HPCAL1: variants seen among roughly 807,000 people sequenced by gnomAD.
HPCAL1 encodes the protein hippocalcin-like protein 1.
A neutral mutation model predicts 17.1 loss-of-function variants in HPCAL1; 8 were observed. That is an observed-to-expected ratio of 0.47 (90% CI 0.27 to 0.84). HPCAL1 has a LOEUF of 0.84. HPCAL1 is among the 40% of genes least tolerant of loss of function. HPCAL1 has a pLI of 0.13. For synonymous variants in HPCAL1, 112 were observed against 111.4 expected, an observed-to-expected ratio of 1.01 and a Z score of -0.03; for missense variants, 165 against 271.1, an observed-to-expected ratio of 0.61 and a Z score of 2.75.
At position 10,419,426 on chromosome 2, in the gene HPCAL1, C is replaced by A. The variant is rs1201047976; in HGVS notation, c.-24-308C>A. 1.3e-5 allele frequency among the ~76,000 whole-genome samples: 2 copies of A among 152,182 alleles called. No homozygotes were observed. Among genetic ancestry groups the A allele is most frequent in the East Asian group, 3.9e-4 (2 of 5,188 alleles). On this transcript the variant is annotated intron_variant, in intron 2 of 4. Coordinates refer to ENST00000307845, the MANE Select transcript of HPCAL1 (RefSeq NM_002149.4). This position sits in a 1 kb window ranked among gnomAD's most constrained non-coding sequence, Gnocchi z 5.0. ...CTGATTTTAATCTTCGCCTCTCGTA[C>A]AACCCCTGGTGGGCACCGGATGATG...
chr2:10,331,682 A>T lies in HPCAL1; in HGVS notation c.-111+28505A>T, dbSNP rs1198231771. ...CACTGCACGCCCGGCTGTCAGAGGCATCTGTCTCTTCCCCCGCATGCATCT... is the reference window on the plus strand; with the variant it reads ...CACTGCACGCCCGGCTGTCAGAGGCTTCTGTCTCTTCCCCCGCATGCATCT... On this transcript the variant is annotated intron_variant, in intron 1 of 4. Transcript: ENST00000307845. This position sits in a 1 kb window ranked among gnomAD's most constrained non-coding sequence, Gnocchi z 5.0. Among the ~76,000 whole-genome samples, 1 of 152,138 alleles carries T rather than the reference A, an allele frequency of 6.6e-6. No individual in the cohort carries two copies. Among genetic ancestry groups the T allele is most frequent in the African/African-American group, 2.4e-5 (1 of 41,422 alleles).
chr2:10,415,474 A>G (rs2148014295), intron 2 of HPCAL1, among the ~76,000 whole-genome samples: 1 of 152,168 alleles, frequency 6.6e-6, no homozygotes, highest in African/African-American at 2.4e-5. Flanking sequence ...TGGGGCAGCC[A>G]TCCACAGATC....
chr2:10,312,264 TCACCAC>T (rs201847831), intron 1 of HPCAL1, among the ~76,000 whole-genome samples: 2 of 146,970 alleles, frequency 1.4e-5, no homozygotes, highest in African/African-American at 2.5e-5. Context: ...ACCATCACCA[TCACCAC>T]CATTATCACT....
At chr2:10,400,663 C>T (rs1558520046) in intron 2 of HPCAL1, among the ~76,000 whole-genome samples, 1 of 152,216 alleles carries the variant, frequency 6.6e-6, no homozygotes, top group Non-Finnish European at 1.5e-5. Flanking sequence ...GGCAGTATCA[C>T]TTCCTGTGGT....
Position 10,427,143 on chromosome 2 carries a change from C to A in HPCAL1, c.*322C>A. ...CCATGCCGAGGAGACCAGGCAGGAC[C>A]TCCCGAGGCTGCGCCCCGGCCGGCC... On this transcript the variant is annotated 3_prime_UTR_variant, in exon 5 of 5. Coordinates refer to ENST00000307845, the MANE Select transcript of HPCAL1 (RefSeq NM_002149.4). 3.3e-6 allele frequency: 1 copy of A among 300,402 alleles called. No homozygotes were observed. Among genetic ancestry groups the A allele is most frequent in the Middle Eastern group, 1.0e-3 (1 of 970 alleles). The allele number at this position is 300,402 out of a possible 1,614,324, so 18.6% of individuals were successfully genotyped here.
intron 1 of HPCAL1, among the ~76,000 whole-genome samples, chr2:10,383,909 A>T (rs1388772172): frequency 6.6e-6 from 1 of 152,058 alleles, no homozygotes; most frequent in Non-Finnish European, 1.5e-5. Flanking sequence ...AGTTGTAATA[A>T]CCAAAAATAT....
At position 10,331,212 on chromosome 2, in the gene HPCAL1, C is replaced by G. The variant is rs1217466531; in HGVS notation, c.-111+28035C>G. The stretch of plus-strand genomic sequence containing the variant: ...ACAGCCTGGACTCTCCTGCCTGCCC[C>G]CAGGTGCCCCCGGCCCAGCCACAGG... On this transcript the variant is annotated intron_variant, in intron 1 of 4. Coordinates refer to ENST00000307845, the MANE Select transcript of HPCAL1 (RefSeq NM_002149.4). The surrounding 1 kb of genome is among the most constrained non-coding windows in gnomAD (Gnocchi z 5.0). Among the ~76,000 whole-genome samples, 1 of 152,002 alleles carries G rather than the reference C, an allele frequency of 6.6e-6. No homozygotes were observed. Among genetic ancestry groups the G allele is most frequent in the South Asian group, 2.1e-4 (1 of 4,826 alleles).
rs533777674 is a variant in HPCAL1 at position 10,331,383 on chromosome 2, C to T, written c.-111+28206C>T. Among the ~76,000 whole-genome samples, 30 of 152,284 alleles carry T rather than the reference C, an allele frequency of 2.0e-4. No individual in the cohort carries two copies. The highest frequency in any genetic ancestry group is 7.0e-4 in the African/African-American group (29 of 41,564). On this transcript the variant is annotated intron_variant, in intron 1 of 4. Coordinates refer to ENST00000307845, the MANE Select transcript of HPCAL1 (RefSeq NM_002149.4). This position sits in a 1 kb window ranked among gnomAD's most constrained non-coding sequence, Gnocchi z 5.0. ...CCTCCTGCGTTTCCTCCTGTCTCCC[C>T]GGGGAGCTCGGAGTTCTGCAGGCAC...
chr2:10,424,977 C>T (rs1193338890), intron 4 of HPCAL1: 3 of 230,144 alleles, frequency 1.3e-5, no homozygotes, highest in African/African-American at 4.5e-5. Context: ...ACATGTGGGA[C>T]AGGCTGTGCT....
intron 2 of HPCAL1, among the ~76,000 whole-genome samples, chr2:10,418,058 A>G (rs1368120310): frequency 6.6e-6 from 1 of 151,928 alleles, no homozygotes; most frequent in Non-Finnish European, 1.5e-5. Flanking sequence ...AATAAAAAAT[A>G]GATAGATAGA....
At chr2:10,382,746 C>A (rs1363680224) in intron 1 of HPCAL1, among the ~76,000 whole-genome samples, 2 of 152,206 alleles carry the variant, frequency 1.3e-5, no homozygotes, top group Non-Finnish European at 2.9e-5. Context: ...CCTCCCTGCT[C>A]CCGTGTGGGA....
intron 1 of HPCAL1, among the ~76,000 whole-genome samples, chr2:10,308,416 T>C (rs890335595): frequency 1.3e-5 from 2 of 152,096 alleles, no homozygotes; most frequent in African/African-American, 2.4e-5. Flanking sequence ...TTGTACAAAC[T>C]CCCTGTCCCC....
chr2:10,376,967 A>G (rs1363433942), intron 1 of HPCAL1, among the ~76,000 whole-genome samples: 1 of 150,526 alleles, frequency 6.6e-6, no homozygotes, highest in Non-Finnish European at 1.5e-5. Flanking sequence ...TACATACCGT[A>G]TTGTATTGTG....
intron 1 of HPCAL1, among the ~76,000 whole-genome samples, 172 bp from the exon 2 acceptor site, chr2:10,396,663 C>T (rs1330027732): frequency 6.6e-6 from 1 of 152,222 alleles, no homozygotes; most frequent in Admixed American, 6.5e-5. Context: ...GGGCATGTGC[C>T]CCTGTCCATG....
intron 1 of HPCAL1, among the ~76,000 whole-genome samples, chr2:10,341,719 G>A (rs946663868): frequency 1.3e-5 from 2 of 152,114 alleles, no homozygotes; most frequent in African/African-American, 4.8e-5. Context: ...GGGTGGAAGG[G>A]GGCAGGAGAG....
intron 4 of HPCAL1, chr2:10,426,440 G>A: frequency 2.5e-6 from 1 of 402,948 alleles, no homozygotes; most frequent in Non-Finnish European, 4.6e-6. Flanking sequence ...AGTGTGGGGT[G>A]ATTTCTAAAA....
chr2:10,318,149 A>G (rs1463295189), intron 1 of HPCAL1, among the ~76,000 whole-genome samples: 3 of 152,134 alleles, frequency 2.0e-5, no homozygotes, highest in African/African-American at 7.2e-5. Context: ...GGTTGGCTGT[A>G]AAAAGCTCTT....
chr2:10,313,187 A>G (rs540020032), intron 1 of HPCAL1, among the ~76,000 whole-genome samples: 1 of 152,368 alleles, frequency 6.6e-6, no homozygotes, highest in African/African-American at 2.4e-5. Flanking sequence ...TTTCAGGCCC[A>G]GGAGTAAGCC....
intron 1 of HPCAL1, among the ~76,000 whole-genome samples, chr2:10,326,349 C>T (rs546100224): frequency 1.3e-5 from 2 of 152,320 alleles, no homozygotes; most frequent in East Asian, 3.9e-4. Context: ...CGGGAGGTGG[C>T]TTCAGTGTGT....
Sources: allele counts gnomAD v4.1 joint callset (sites outside exome capture counted in the v4.1 genomes callset), GRCh38; gene constraint gnomAD v4.1.1; non-coding constraint Gnocchi (gnomAD v3.1); transcripts MANE v1.5; gene names NCBI Gene and HGNC (gene_info 2026-07-23, HGNC 2026-07-21).